The following FH variants were observed in gnomAD, a reference collection of about 807,000 sequenced individuals.
FH encodes the protein fumarate hydratase, also known as fumarate hydratase, mitochondrial.
Under a neutral mutation model 49.4 loss-of-function variants are expected in FH, and 22 were observed. The observed-to-expected ratio is 0.45, with a 90% CI of 0.32 to 0.64. The LOEUF is 0.64. Among genes scored for constraint, FH ranks in the 30% least tolerant of loss-of-function variants. FH has a pLI of 0.05. For missense variants in FH, 526 were observed against 641.5 expected, an observed-to-expected ratio of 0.82 and a Z score of 1.95; for synonymous variants, 208 against 223.0, an observed-to-expected ratio of 0.93 and a Z score of 0.60.
chr1:241,507,523 A>C (rs1235086016), intron 5 of FH, among the ~76,000 whole-genome samples: 1 of 152,170 alleles, frequency 6.6e-6, no homozygotes, highest in Admixed American at 6.5e-5. Flanking sequence ...AATAAAAGCA[A>C]GTATAAATGC....
intron 9 of FH, among the ~76,000 whole-genome samples, chr1:241,498,425 G>A (rs1433909230): frequency 2.6e-5 from 4 of 151,842 alleles, no homozygotes; most frequent in South Asian, 2.1e-4. Context: ...GGCTCTGAGA[G>A]GGGAGAAGTC....
Position 241,517,195 on chromosome 1 carries a change from G to C in FH, c.254C>G (p.Thr85Arg), listed in dbSNP as rs1324632356. Residue 85 changes from threonine (T) to arginine (R), a missense_variant, in exon 2 of 10, where the codon ACA (threonine) becomes AGA (arginine). By Grantham distance (71) the Thr-to-Arg change is moderately conservative (BLOSUM62 -1). This residue lies in a region of FH where 143 missense variants were observed against 127.5 expected (regional missense o/e 1.12). Coordinates refer to ENST00000366560, the MANE Select transcript of FH (RefSeq NM_000143.4). ...STMNFKIGGV[T>R]ERMPTPVIKA... ...AATGCCACTTACTGGCATGCGTTCT[G>C]TCACACCTCCAATCTTAAAGTTCAT... The C allele has an allele frequency of 1.1e-5, 17 of 1,613,974 alleles. No homozygotes were observed. Among genetic ancestry groups the C allele is most frequent in the Non-Finnish European group, 1.4e-5 (17 of 1,180,052 alleles).
At chr1:241,516,049 A>G (rs1452096087) in intron 2 of FH, among the ~76,000 whole-genome samples, 1 of 152,184 alleles carries the variant, frequency 6.6e-6, no homozygotes, top group Non-Finnish European at 1.5e-5. Context: ...TTTTTAGGAA[A>G]CTGAAACCAA....
chr1:241,497,861 C>G lies in FH; in HGVS notation c.1500G>C (p.Trp500Cys). The G allele has an allele frequency of 1.9e-6, 3 of 1,611,862 alleles. No individual in the cohort carries two copies. The highest frequency in any genetic ancestry group is 1.1e-5 in the South Asian group (1 of 90,948). ...GYLTAEQFDE[W>C]VKPKDMLGPK The stretch of plus-strand genomic sequence containing the variant: ...GACCCAGCATGTCCTTAGGTTTTAC[C>G]CATTCGTCAAACTGCTCTGCTGTGA... The change falls in exon 10 of 10, where the codon TGG (tryptophan) becomes TGC (cysteine). Residue 500 changes from tryptophan (W) to cysteine (C), a missense_variant. Transcript: ENST00000366560.
intron 7 of FH, among the ~76,000 whole-genome samples, chr1:241,502,911 A>G (rs1659819453): frequency 6.6e-6 from 1 of 152,232 alleles, no homozygotes; most frequent in South Asian, 2.1e-4. Context: ...GAGGCTAGGG[A>G]GAAAGAGCTG....
At chr1:241,505,071 G>C (rs149191531) in intron 6 of FH, among the ~76,000 whole-genome samples, 3 of 151,428 alleles carry the variant, frequency 2.0e-5, no homozygotes, top group Non-Finnish European at 4.4e-5. Flanking sequence ...ACCATGCCCG[G>C]CTAATTTTTT....
intron 8 of FH, among the ~76,000 whole-genome samples, chr1:241,501,252 G>C (rs182530796): frequency 1.4e-4 from 22 of 151,998 alleles, no homozygotes; most frequent in African/African-American, 4.8e-4. Context: ...CTAAAACTCC[G>C]GTCTGAAAAC....
chr1:241,502,693 G>T, intron 7 of FH, 123 bp from the exon 8 acceptor site: 1 of 1,190,796 alleles, frequency 8.4e-7, no homozygotes, highest in Non-Finnish European at 1.2e-6. Flanking sequence ...AACCATCAGT[G>T]TAATTTAATG....
At chr1:241,512,954 A>G (rs910909417) in intron 3 of FH, among the ~76,000 whole-genome samples, 2 of 151,752 alleles carry the variant, frequency 1.3e-5, no homozygotes, top group African/African-American at 2.4e-5. Flanking sequence ...AGAAACACAC[A>G]CTTTCTGTTC....
intron 1 of FH, among the ~76,000 whole-genome samples, 191 bp from the exon 2 acceptor site, chr1:241,517,507 T>A (rs562762474): frequency 6.6e-6 from 1 of 152,222 alleles, no homozygotes; most frequent in African/African-American, 2.4e-5. Context: ...CACAAACTTA[T>A]TAATTCAGGC....
In FH at chr1:241,506,063, C is replaced by G. The variant is rs1573881629; in HGVS notation, c.844G>C (p.Gly282Arg). Residue 282 changes from glycine (G) to arginine (R), a missense_variant, in exon 6 of 10, where the codon GGT (glycine) becomes CGT (arginine). By Grantham distance (125) the Gly-to-Arg change is moderately radical. Around this residue, in one of 2 missense-constraint regions of FH, gnomAD observed 383 missense variants for 514.0 expected, o/e 0.75. Coordinates refer to ENST00000366560, the MANE Select transcript of FH (RefSeq NM_000143.4). ...LAAGGTAVGT[G>R]LNTRIGFAEK... ...GCAAAGCCAATTCTAGTATTTAAACCTGTACCAACAGCAGTGCCTCCAGCT... is the reference window on the plus strand; with the variant it reads ...GCAAAGCCAATTCTAGTATTTAAACGTGTACCAACAGCAGTGCCTCCAGCT... The G allele has an allele frequency of 6.2e-7, 1 of 1,614,032 alleles. No homozygotes were observed. The highest frequency in any genetic ancestry group is 8.5e-7 in the Non-Finnish European group (1 of 1,179,958).
In FH at chr1:241,513,527, T is replaced by C; in HGVS notation, c.378+76A>G. The C allele has an allele frequency of 4.6e-6, 5 of 1,090,114 alleles. No individual in the cohort carries two copies. The South Asian group carries it at 5.0e-5, about 11-fold the overall frequency. The allele number at this position is 1,090,114 out of a possible 1,614,324, so 67.5% of individuals were successfully genotyped here. A position where few individuals can be genotyped will look rare whatever the true frequency, so the allele number is the denominator to read the frequency against. ...CAAGAATTCACAGTTCCCCTTTCCT[T>C]CTGCCAGAGCATATCGTCATCCAGA... On this transcript the variant is annotated intron_variant, in intron 3 of 9. Transcript: ENST00000366560.
chr1:241,511,852 T>G, intron 4 of FH, 115 bp downstream of exon 4: 1 of 991,354 alleles, frequency 1.0e-6, no homozygotes, highest in South Asian at 1.3e-5. Context: ...ATAAGAAGCC[T>G]TATCCATTAA....
rs1434453667 is a variant in FH, at chr1:241,519,577, C to T, written c.132+14G>A. ...TCACTGCGGGGAGGCCGGGGGATGGCGGCCTGCGCTCACCATTCGAGCCGC... is the reference window on the plus strand; with the variant it reads ...TCACTGCGGGGAGGCCGGGGGATGGTGGCCTGCGCTCACCATTCGAGCCGC... On this transcript the variant is annotated intron_variant, in intron 1 of 9. Coordinates refer to ENST00000366560, the MANE Select transcript of FH (RefSeq NM_000143.4). The T allele has an allele frequency of 6.5e-7, 1 of 1,545,012 alleles. No individual in the cohort carries two copies. Among genetic ancestry groups the T allele is most frequent in the Non-Finnish European group, 8.7e-7 (1 of 1,145,142 alleles).
In FH at chr1:241,504,087, C is replaced by T; in HGVS notation, c.1063G>A (p.Glu355Lys). 1 of 1,614,240 alleles carries T rather than the reference C, an allele frequency of 6.2e-7. No homozygotes were observed. The highest frequency in any genetic ancestry group is 8.5e-7 in the Non-Finnish European group (1 of 1,180,030). The change falls in exon 7 of 10, where the codon GAA becomes AAA. Residue 355 changes from glutamate to lysine, a missense_variant. Physicochemically the swap from Glu to Lys is moderately conservative, Grantham distance 56. Transcript: ENST00000366560. Reference protein sequence around the residue: ...LGSGPRSGLGELILPENEPGS... With the variant: ...LGSGPRSGLGKLILPENEPGS... ...GGTTCATTTTCAGGCAAGATCAATTCTCCCAGACCTGACCGAGGACCAGAA... is the reference window on the plus strand; with the variant it reads ...GGTTCATTTTCAGGCAAGATCAATTTTCCCAGACCTGACCGAGGACCAGAA...
Position 241,513,712 on chromosome 1 carries a change from G to A in FH, c.269C>T (p.Thr90Ile), listed in dbSNP as rs1401508226. The A allele has an allele frequency of 6.2e-7, 1 of 1,611,730 alleles. No individual in the cohort carries two copies. Among genetic ancestry groups the A allele is most frequent in the Non-Finnish European group, 8.5e-7 (1 of 1,177,920 alleles). The change falls in exon 3 of 10, where the codon ACC (threonine) becomes ATC (isoleucine). Residue 90 changes from threonine (T) to isoleucine (I), a missense_variant and splice_region_variant. Coordinates refer to ENST00000366560, the MANE Select transcript of FH (RefSeq NM_000143.4). Reference sequence around the variant, plus strand: ...GATGCCAAAAGCTTTAATAACTGGGGTCTAAAATTAATCAGAAAAATATTT... The same window carrying A: ...GATGCCAAAAGCTTTAATAACTGGGATCTAAAATTAATCAGAAAAATATTT... ...KIGGVTERMPTPVIKAFGILK... is the reference protein window; with the variant it reads ...KIGGVTERMPIPVIKAFGILK...
intron 1 of FH, among the ~76,000 whole-genome samples, chr1:241,518,217 G>A (rs1358140063): frequency 6.6e-6 from 1 of 151,934 alleles, no homozygotes; most frequent in African/African-American, 2.4e-5. Flanking sequence ...ATGGTTAGAG[G>A]GCAAAAAGTA....
At chr1:241,504,304 C>A in intron 6 of FH, 59 bp from the exon 7 acceptor site, 1 of 1,484,882 alleles carries the variant, frequency 6.7e-7, no homozygotes, top group South Asian at 1.2e-5. Flanking sequence ...ATTTTTCTAC[C>A]ATTAGCAAGT....
chr1:241,500,711 A>G, intron 8 of FH, 121 bp from the exon 9 acceptor site: 1 of 1,328,512 alleles, frequency 7.5e-7, no homozygotes, highest in South Asian at 1.3e-5. Flanking sequence ...ATACAATTCA[A>G]TAAACATATA....
Sources: gnomAD v4.1 joint callset for allele counts (sites outside exome capture counted in the v4.1 genomes callset) on GRCh38, gnomAD v4.1.1 for gene constraint, gnomAD v4.1.1 regional missense constraint, MANE v1.5 for transcripts, NCBI Gene and HGNC (gene_info 2026-07-23, HGNC 2026-07-21) for gene names.